The following PDE4D variants were observed in gnomAD, a reference collection of about 807,000 sequenced individuals.
PDE4D encodes phosphodiesterase 4D.
Under a neutral mutation model 87.4 loss-of-function variants are expected in PDE4D, and 24 were observed. That is an observed-to-expected ratio of 0.27 (90% CI 0.20 to 0.39). PDE4D has a LOEUF of 0.39. PDE4D is among the 10% of genes least tolerant of loss of function. The probability of loss-of-function intolerance (pLI) is 1.00; values close to 1 mark genes in which losing one functional copy is unlikely to be tolerated. For missense variants in PDE4D, 714 were observed against 1,041.0 expected, an observed-to-expected ratio of 0.69 and a Z score of 4.32; for synonymous variants, 384 against 383.2, an observed-to-expected ratio of 1.00 and a Z score of -0.02.
intron 1 of PDE4D, among the ~76,000 whole-genome samples, chr5:59,217,647 T>C (rs937769756): frequency 6.6e-6 from 1 of 152,210 alleles, no homozygotes; most frequent in African/African-American, 2.4e-5. Flanking sequence ...CAGACGAGGA[T>C]ACCAGGTCCT....
intron 1 of PDE4D, among the ~76,000 whole-genome samples, chr5:59,761,155 A>T (rs1414435178): frequency 6.6e-6 from 1 of 152,198 alleles, no homozygotes; most frequent in Non-Finnish European, 1.5e-5. Flanking sequence ...ATATCTAAAC[A>T]TAGAAAAGGT....
At chr5:59,189,461 T>C (rs1743816782) in intron 3 of PDE4D, among the ~76,000 whole-genome samples, 1 of 152,122 alleles carries the variant, frequency 6.6e-6, no homozygotes, top group African/African-American at 2.4e-5. Flanking sequence ...GTTTTCTCTT[T>C]CTTTCATCAG....
chr5:59,757,903 T>C (rs1164147666), intron 1 of PDE4D, among the ~76,000 whole-genome samples: 1 of 152,214 alleles, frequency 6.6e-6, no homozygotes, highest in Non-Finnish European at 1.5e-5. Flanking sequence ...TATAAGAATA[T>C]TTTATAAGGA....
At chr5:59,519,404 G>C (rs138938334) in intron 1 of PDE4D, among the ~76,000 whole-genome samples, 1 of 152,204 alleles carries the variant, frequency 6.6e-6, no homozygotes, top group Non-Finnish European at 1.5e-5. Context: ...ACATATGAGC[G>C]ATGATCTGAA....
At chr5:60,106,434 C>T (rs1454701116) in intron 2 of PDE4D, among the ~76,000 whole-genome samples, 14 of 152,032 alleles carry the variant, frequency 9.2e-5, no homozygotes, top group African/African-American at 3.4e-4. Flanking sequence ...CCACTGTCAA[C>T]ATTAGACAGA....
intron 2 of PDE4D, among the ~76,000 whole-genome samples, chr5:60,039,963 C>T (rs182646887): frequency 3.3e-5 from 5 of 152,134 alleles, no homozygotes; most frequent in Non-Finnish European, 4.4e-5. Flanking sequence ...GATAATATTG[C>T]AAGTATTTTA....
At chr5:60,098,662 G>C (rs1775940080) in intron 2 of PDE4D, among the ~76,000 whole-genome samples, 1 of 151,978 alleles carries the variant, frequency 6.6e-6, no homozygotes, top group Non-Finnish European at 1.5e-5. Flanking sequence ...TTAATTTTAA[G>C]TTTTTTGATG....
intron 1 of PDE4D, among the ~76,000 whole-genome samples, chr5:59,321,159 T>A (rs1397416507): frequency 1.3e-5 from 2 of 152,036 alleles, no homozygotes; most frequent in Non-Finnish European, 2.9e-5. Context: ...ATTCTCTCAG[T>A]CTGATTTCCT....
intron 2 of PDE4D, among the ~76,000 whole-genome samples, chr5:60,006,536 T>A (rs910503156): frequency 6.6e-6 from 1 of 151,920 alleles, no homozygotes; most frequent in African/African-American, 2.4e-5. Flanking sequence ...ATGTCCCCCA[T>A]GCCCTATGAG....
intron 5 of PDE4D, among the ~76,000 whole-genome samples, chr5:59,090,812 T>TC (rs929446825): frequency 2.1e-5 from 3 of 145,512 alleles, no homozygotes; most frequent in African/African-American, 5.2e-5. Context: ...TTTTTCTTTT[T>TC]TTTTTTTTTT....
intron 1 of PDE4D, among the ~76,000 whole-genome samples, chr5:59,357,504 A>ATCACTTT (rs1781581585): frequency 2.6e-5 from 4 of 152,188 alleles, no homozygotes; most frequent in Admixed American, 6.5e-5. Context: ...AGAAAAAAAA[A>ATCACTTT]CAGGCAGATC....
At chr5:58,993,242 A>T (rs566703840) in intron 7 of PDE4D, 130 bp downstream of exon 7, 1 of 537,586 alleles carries the variant, frequency 1.9e-6, no homozygotes, top group East Asian at 3.2e-5. Context: ...TATTAATATG[A>T]CGAATGAAAA....
chr5:59,433,140 T>TA (rs1181191890), intron 1 of PDE4D, among the ~76,000 whole-genome samples: 1 of 151,924 alleles, frequency 6.6e-6, no homozygotes, highest in African/African-American at 2.4e-5. Flanking sequence ...ACATGCCAGC[T>TA]AATTTAGGAG....
At chr5:59,817,594 T>A (rs1769119705) in intron 1 of PDE4D, among the ~76,000 whole-genome samples, 1 of 152,244 alleles carries the variant, frequency 6.6e-6, no homozygotes, top group Non-Finnish European at 1.5e-5. Flanking sequence ...AATGTCACTA[T>A]ATCTGAAGAT....
intron 1 of PDE4D, chr5:59,558,424 A>C (rs1196200100): frequency 6.6e-6 from 1 of 152,154 alleles, no homozygotes; most frequent in East Asian, 1.9e-4. Context: ...TAACTGGGTA[A>C]AAGCATATCA....
intron 1 of PDE4D, among the ~76,000 whole-genome samples, chr5:59,760,955 G>C (rs1326450518): frequency 2.0e-5 from 3 of 152,166 alleles, no homozygotes; most frequent in Non-Finnish European, 4.4e-5. Context: ...AATTGACACA[G>C]AGTTGTGCAT....
At chr5:59,903,736 G>C (rs1183622910) in intron 3 of PDE4D, among the ~76,000 whole-genome samples, 1 of 152,112 alleles carries the variant, frequency 6.6e-6, no homozygotes, top group Non-Finnish European at 1.5e-5. Flanking sequence ...CACACAGACA[G>C]CAAGGGCAAA....
At chr5:59,079,047 G>A (rs1349963581) in intron 5 of PDE4D, among the ~76,000 whole-genome samples, 1 of 152,120 alleles carries the variant, frequency 6.6e-6, no homozygotes, top group Non-Finnish European at 1.5e-5. Flanking sequence ...CCAGCCTCCA[G>A]AACTGTGAGC....
chr5:59,718,850 T>C (rs1025841265), intron 1 of PDE4D, among the ~76,000 whole-genome samples: 4 of 152,124 alleles, frequency 2.6e-5, no homozygotes, highest in African/African-American at 7.2e-5. Flanking sequence ...ATTTGAAAAG[T>C]TGTAAAAGAT....
Sources: gnomAD v4.1 joint callset for allele counts (sites outside exome capture counted in the v4.1 genomes callset) on GRCh38, gnomAD v4.1.1 for gene constraint, MANE v1.5 for transcripts, NCBI Gene and HGNC (gene_info 2026-07-23, HGNC 2026-07-21) for gene names.